Variants in EYA3 observed in about 807,000 individuals in gnomAD.
The protein encoded by EYA3 is EYA transcriptional coactivator and phosphatase 3.
In EYA3, 39 loss-of-function variants were observed where a neutral mutation model predicts 80.0. The observed-to-expected ratio is 0.49, with a 90% CI of 0.38 to 0.64. EYA3 has a LOEUF of 0.64. EYA3 is among the 30% of genes least tolerant of loss of function. The pLI, the probability that EYA3 is intolerant of heterozygous loss-of-function variation, is 0.00. For synonymous variants in EYA3, 206 were observed against 232.8 expected (o/e 0.88, Z 1.05); for missense variants, 523 against 676.1 (o/e 0.77, Z 2.51).
intron 3 of EYA3, among the ~76,000 whole-genome samples, chr1:28,043,479 C>T (rs1184216973): frequency 3.9e-5 from 6 of 152,106 alleles, no homozygotes; most frequent in Admixed American, 2.0e-4. Context: ...GGTAGGGAGA[C>T]GTTTGATTTC....
chr1:28,007,799 T>C (rs925247357), intron 10 of EYA3, among the ~76,000 whole-genome samples: 2 of 152,180 alleles, frequency 1.3e-5, no homozygotes, highest in African/African-American at 4.8e-5. Context: ...CTTAATATTG[T>C]AAAGAAGACA....
intron 14 of EYA3, chr1:27,990,489 G>A (rs540926944): frequency 2.0e-5 from 3 of 151,790 alleles, no homozygotes; most frequent in Non-Finnish European, 2.9e-5. Context: ...GGAGGCCAGT[G>A]TTGGCGTGAG....
chr1:28,052,047 C>T (rs1254205651), intron 2 of EYA3, among the ~76,000 whole-genome samples: 1 of 151,904 alleles, frequency 6.6e-6, no homozygotes, highest in Non-Finnish European at 1.5e-5. Flanking sequence ...CTCACTCTGT[C>T]ACCCTGGCTG....
chr1:28,007,596 G>A (rs1052620840), intron 10 of EYA3, among the ~76,000 whole-genome samples: 9 of 151,996 alleles, frequency 5.9e-5, no homozygotes, highest in African/African-American at 2.2e-4. Flanking sequence ...GCCTCCCAAA[G>A]TGCTGGGATT....
intron 10 of EYA3, 37 bp from the exon 11 acceptor site, chr1:28,004,456 C>A: frequency 6.8e-7 from 1 of 1,470,358 alleles, no homozygotes; most frequent in Non-Finnish European, 9.5e-7. Context: ...GTATATTTTC[C>A]AATTACAATG....
At chr1:28,020,667 CGTGTGTGTGT>C (rs56017264) in intron 7 of EYA3, among the ~76,000 whole-genome samples, 3,128 of 134,526 alleles carry the variant, frequency 0.023, 97 homozygotes, top group African/African-American at 0.078. Context: ...TACAGATCAT[CGTGTGTGTGT>C]GTGTGTGTGT....
intron 16 of EYA3, among the ~76,000 whole-genome samples, chr1:27,985,077 A>C (rs1320113790): frequency 6.8e-6 from 1 of 147,850 alleles, no homozygotes; most frequent in Non-Finnish European, 1.5e-5. Flanking sequence ...TCTTCAATTC[A>C]ATTCTCAAGT....
intron 8 of EYA3, among the ~76,000 whole-genome samples, chr1:28,016,898 G>C (rs1395950967): frequency 1.3e-5 from 2 of 152,192 alleles, no homozygotes; most frequent in Admixed American, 1.3e-4. Flanking sequence ...AGTAGGGGCA[G>C]AGTAGGAAGT....
chr1:28,041,613 TAGAA>T (rs964100209), intron 4 of EYA3, among the ~76,000 whole-genome samples: 7 of 151,150 alleles, frequency 4.6e-5, no homozygotes, highest in African/African-American at 1.2e-4. Flanking sequence ...AAAGTAAAAA[TAGAA>T]AGGTAGGGGA....
chr1:27,973,521 G>T lies in EYA3; in HGVS notation c.*945C>A, dbSNP rs1254349672. The T allele has an allele frequency of 6.6e-6, 1 of 152,114 alleles. No individual in the cohort carries two copies. The highest frequency in any genetic ancestry group is 2.4e-5 in the African/African-American group (1 of 41,406). The allele number at this position is 152,114 out of a possible 1,614,324, so 9.4% of individuals were successfully genotyped here. A position where few individuals can be genotyped will look rare whatever the true frequency, so the allele number is the denominator to read the frequency against. On this transcript the variant is annotated 3_prime_UTR_variant, in exon 18 of 18. Transcript: ENST00000373871. ...AAGACACTTTAGTTCCTTCTCTCCA[G>T]TTTGGAAGCTAAGCCTCCTGTGATA...
chr1:27,977,032 C>T (rs1479817548), intron 17 of EYA3: 2 of 985,184 alleles, frequency 2.0e-6, no homozygotes, highest in Admixed American at 1.2e-4. Context: ...TGGATGTATT[C>T]TGTTGTAGAT....
intron 6 of EYA3, among the ~76,000 whole-genome samples, chr1:28,035,294 T>A (rs1360889478): frequency 6.6e-6 from 1 of 152,086 alleles, no homozygotes; most frequent in Non-Finnish European, 1.5e-5. Flanking sequence ...CAATAGCAAA[T>A]CCTCAAAGAA....
chr1:28,017,007 G>A lies in EYA3; in HGVS notation c.585+147C>T, dbSNP rs17162928. On this transcript the variant is annotated intron_variant, in intron 8 of 17. Transcript: ENST00000373871. ...ACAGTAACCTAAGATGCCATCCAGG[G>A]TCCGAGTTCTGAAGGTATCCAGAAA... is the stretch of plus-strand genomic sequence containing the variant. 5 of 596,272 alleles carry A rather than the reference G, an allele frequency of 8.4e-6. No homozygotes were observed. In the African/African-American group the frequency reaches 9.5e-5, roughly 11 times the overall value. The allele number at this position is 596,272 out of a possible 1,614,324, so 36.9% of individuals were successfully genotyped here. A position where few individuals can be genotyped will look rare whatever the true frequency, so the allele number is the denominator to read the frequency against.
intron 7 of EYA3, among the ~76,000 whole-genome samples, chr1:28,019,761 T>C (rs1431876588): frequency 6.6e-6 from 1 of 152,056 alleles, no homozygotes; most frequent in Admixed American, 6.6e-5. Flanking sequence ...TAGAGTGCAA[T>C]GGTAGTCTCG....
chr1:27,978,175 G>A (rs1639066352), intron 17 of EYA3, among the ~76,000 whole-genome samples, 199 bp downstream of exon 17: 1 of 151,912 alleles, frequency 6.6e-6, no homozygotes, highest in East Asian at 1.9e-4. Flanking sequence ...GGAAGAGGAA[G>A]GGATGGATCT....
At chr1:28,048,559 T>C (rs1557615080) in intron 2 of EYA3, 133 bp from the exon 3 acceptor site, 1 of 531,610 alleles carries the variant, frequency 1.9e-6, no homozygotes, top group Non-Finnish European at 3.2e-6. Flanking sequence ...TAATTAACCC[T>C]TGTTATATTT....
intron 17 of EYA3, among the ~76,000 whole-genome samples, chr1:27,976,438 C>T (rs1024660466): frequency 4.6e-5 from 7 of 151,468 alleles, no homozygotes; most frequent in African/African-American, 1.5e-4. Flanking sequence ...CCAGCCTGGG[C>T]GATGGAGTGA....
At chr1:27,979,424 G>A (rs555089889) in intron 16 of EYA3, among the ~76,000 whole-genome samples, 22 of 152,116 alleles carry the variant, frequency 1.4e-4, no homozygotes, top group Non-Finnish European at 2.5e-4. Flanking sequence ...CCTTGTAGTT[G>A]TAACCAAGAT....
chr1:27,988,514 G>T (rs1639817042), intron 16 of EYA3, 21 bp downstream of exon 16: 1 of 1,607,322 alleles, frequency 6.2e-7, no homozygotes, highest in Non-Finnish European at 8.5e-7. Flanking sequence ...CCAGTGACAA[G>T]AAACAGCATA....
Sources: allele counts gnomAD v4.1 joint callset (sites outside exome capture counted in the v4.1 genomes callset), GRCh38; gene constraint gnomAD v4.1.1; transcripts MANE v1.5; gene names NCBI Gene and HGNC (gene_info 2026-07-23, HGNC 2026-07-21).